RXFP2: variants seen among roughly 807,000 people sequenced by gnomAD.
RXFP2 encodes the protein relaxin receptor 2.
A neutral mutation model predicts 88.6 loss-of-function variants in RXFP2; 68 were observed. The observed-to-expected ratio is 0.77, with a 90% CI of 0.63 to 0.94. The LOEUF (loss-of-function observed/expected upper bound fraction) is 0.94. Ranked by LOEUF, RXFP2 falls within the 40% of genes least tolerant of loss-of-function variation. The probability of loss-of-function intolerance (pLI) is 0.00; values close to 1 mark genes in which losing one functional copy is unlikely to be tolerated. For synonymous variants in RXFP2, 329 were observed against 306.8 expected, an observed-to-expected ratio of 1.07 and a Z score of -0.76; for missense variants, 791 against 893.9, an observed-to-expected ratio of 0.88 and a Z score of 1.47.
intron 1 of RXFP2, among the ~76,000 whole-genome samples, chr13:31,744,216 T>C (rs1871319298): frequency 6.6e-6 from 1 of 152,194 alleles, no homozygotes; most frequent in African/African-American, 2.4e-5. Flanking sequence ...GCTCTCTTTT[T>C]CTAGGTCCAA....
Position 31,802,828 on chromosome 13 carries a change from C to A in RXFP2, c.*423C>A, listed in dbSNP as rs941895474. On this transcript the variant is annotated 3_prime_UTR_variant, in exon 18 of 18. Transcript: ENST00000298386. ...AGAAATCTAACAACTCTTTCCTTGC[C>A]TTTTCAATATCAAATAAAACCATCA... The A allele has an allele frequency of 5.7e-6, 1 of 175,102 alleles. No homozygotes were observed. Among genetic ancestry groups the A allele is most frequent in the Non-Finnish European group, 1.2e-5 (1 of 81,154 alleles). The allele number at this position is 175,102 out of a possible 1,614,324, so 10.8% of individuals were successfully genotyped here.
In RXFP2 at chr13:31,786,380, C is replaced by A. The variant is rs1322990194; in HGVS notation, c.930-3C>A. The A allele has an allele frequency of 1.9e-6, 3 of 1,597,142 alleles. No homozygotes were observed. The highest frequency in any genetic ancestry group is 1.7e-5 in the Admixed American group (1 of 59,992). On this transcript the variant is annotated splice_polypyrimidine_tract_variant and splice_region_variant and intron_variant, in intron 11 of 17. Coordinates refer to ENST00000298386, the MANE Select transcript of RXFP2 (RefSeq NM_130806.5). ...TGCTTTGGGTTTTCATTGTCGTCAA[C>A]AGGGATCTGTCTAGCAATACGATAA... is the stretch of plus-strand genomic sequence containing the variant.
At chr13:31,769,182 A>G (rs932669828) in intron 5 of RXFP2, among the ~76,000 whole-genome samples, 1 of 152,222 alleles carries the variant, frequency 6.6e-6, no homozygotes, top group Non-Finnish European at 1.5e-5. Context: ...AGTTTAAAAT[A>G]TATAATTTGT....
chr13:31,796,622 T>C (rs1232497990), intron 16 of RXFP2, among the ~76,000 whole-genome samples: 1 of 152,188 alleles, frequency 6.6e-6, no homozygotes, highest in Non-Finnish European at 1.5e-5. Context: ...AAGTCTATAA[T>C]TCCTCATAAG....
At chr13:31,796,296 G>A (rs924162998) in intron 16 of RXFP2, among the ~76,000 whole-genome samples, 1 of 151,102 alleles carries the variant, frequency 6.6e-6, no homozygotes, top group African/African-American at 2.4e-5. Context: ...TGATCCACCC[G>A]CCTCGGCCTC....
In RXFP2 at chr13:31,793,094, T is replaced by C; in HGVS notation, c.1786+6T>C. 6.2e-7 allele frequency: 1 copy of C among 1,602,268 alleles called. No homozygotes were observed. Among genetic ancestry groups the C allele is most frequent in the Non-Finnish European group, 8.5e-7 (1 of 1,170,692 alleles). The stretch of plus-strand genomic sequence containing the variant: ...TTCTCTTGGAATTTTCCTAGGTAAA[T>C]TATATTTTTTCATTTCCTGGAAAAA... On this transcript the variant is annotated splice_donor_region_variant and intron_variant, in intron 16 of 17. Coordinates refer to ENST00000298386, the MANE Select transcript of RXFP2 (RefSeq NM_130806.5).
chr13:31,776,095 T>C (rs1566227758), intron 7 of RXFP2, among the ~76,000 whole-genome samples: 55 of 66,714 alleles, frequency 8.2e-4, no homozygotes, highest in African/African-American at 2.9e-3. Context: ...CTTCTTTCTT[T>C]CTTTTCTTTT....
intron 1 of RXFP2, among the ~76,000 whole-genome samples, chr13:31,740,999 G>C (rs1448837788): frequency 6.6e-6 from 1 of 151,966 alleles, no homozygotes; most frequent in Non-Finnish European, 1.5e-5. Context: ...GAGCTCATCT[G>C]TGCCCTTAAA....
At chr13:31,752,975 C>G (rs1871740831) in intron 1 of RXFP2, among the ~76,000 whole-genome samples, 1 of 152,182 alleles carries the variant, frequency 6.6e-6, no homozygotes, top group African/African-American at 2.4e-5. Context: ...GGCTTGCCGG[C>G]AATTTCTATA....
intron 1 of RXFP2, among the ~76,000 whole-genome samples, chr13:31,752,281 C>T (rs1171202748): frequency 6.6e-6 from 1 of 152,032 alleles, no homozygotes. Context: ...TTTTCTGCCC[C>T]CTCCCCCCCA....
chr13:31,756,241 G>C (rs115913772), intron 1 of RXFP2, among the ~76,000 whole-genome samples: 1 of 152,156 alleles, frequency 6.6e-6, no homozygotes, highest in African/African-American at 2.4e-5. Flanking sequence ...TTGCTTGAAG[G>C]GCTCAGGCCT....
At chr13:31,781,847 C>A (rs1873298205) in intron 10 of RXFP2, 105 bp downstream of exon 10, 9 of 832,328 alleles carry the variant, frequency 1.1e-5, no homozygotes, top group Non-Finnish European at 1.8e-5. Flanking sequence ...TGTTTACAGC[C>A]TTGGTCTGAC....
intron 16 of RXFP2, among the ~76,000 whole-genome samples, chr13:31,793,615 C>T (rs1873894938): frequency 6.6e-6 from 1 of 152,030 alleles, no homozygotes; most frequent in South Asian, 2.1e-4. Flanking sequence ...TTTCTCAATT[C>T]CTTCTAATAT....
intron 17 of RXFP2, among the ~76,000 whole-genome samples, chr13:31,798,314 C>T (rs1874155873): frequency 6.6e-6 from 1 of 152,186 alleles, no homozygotes; most frequent in Non-Finnish European, 1.5e-5. Context: ...TCACAACATC[C>T]TCTTAAGCTA....
chr13:31,770,486 C>T lies in RXFP2; in HGVS notation c.498-4134C>T, dbSNP rs118130871. ...ACCATCTTGGGCTTTCACTGACCTG[C>T]CATATAGCCTTTCCATTTGCTTCAA... On this transcript the variant is annotated intron_variant, in intron 5 of 17. Coordinates refer to ENST00000298386, the MANE Select transcript of RXFP2 (RefSeq NM_130806.5). Among the ~76,000 whole-genome samples, 658 of 152,254 alleles carry T rather than the reference C, an allele frequency of 4.3e-3. 14 individuals are homozygous for T. The East Asian group carries it at 0.076, about 18-fold the overall frequency.
chr13:31,777,276 A>G lies in RXFP2; in HGVS notation c.642-100A>G, dbSNP rs1442053710. ...CAGGGAAGGGACAGGTGAGCCAAGT[A>G]TGGAAGCACACAAAGGAGTAGGCCA... On this transcript the variant is annotated intron_variant, in intron 7 of 17. Coordinates refer to ENST00000298386, the MANE Select transcript of RXFP2 (RefSeq NM_130806.5). 85 of 785,238 alleles carry G rather than the reference A, an allele frequency of 1.1e-4. 1 individual carries two copies. The highest frequency in any genetic ancestry group is 1.6e-5 in the Non-Finnish European group (7 of 450,638). The allele number at this position is 785,238 out of a possible 1,614,324, so 48.6% of individuals were successfully genotyped here.
chr13:31,794,509 A>C (rs1055586773), intron 16 of RXFP2, among the ~76,000 whole-genome samples: 2 of 152,126 alleles, frequency 1.3e-5, no homozygotes, highest in Non-Finnish European at 2.9e-5. Flanking sequence ...ATCCAGCCTC[A>C]AAGGCCTTAC....
chr13:31,752,940 G>A (rs565412883), intron 1 of RXFP2, among the ~76,000 whole-genome samples: 1 of 152,210 alleles, frequency 6.6e-6, no homozygotes, highest in African/African-American at 2.4e-5. Flanking sequence ...GCTGCAGTTA[G>A]TTGGCTCTTT....
At chr13:31,749,673 G>C (rs1268341512) in intron 1 of RXFP2, among the ~76,000 whole-genome samples, 2 of 152,002 alleles carry the variant, frequency 1.3e-5, no homozygotes, top group Non-Finnish European at 2.9e-5. Context: ...TGTAGTAAAA[G>C]GTGTGATTTT....
Sources: allele counts gnomAD v4.1 joint callset (sites outside exome capture counted in the v4.1 genomes callset), GRCh38; gene constraint gnomAD v4.1.1; transcripts MANE v1.5; gene names NCBI Gene and HGNC (gene_info 2026-07-23, HGNC 2026-07-21).